Variants in TMEM74 observed in about 807,000 individuals in gnomAD.
TMEM74 encodes transmembrane protein 74.
A neutral mutation model predicts 18.1 loss-of-function variants in TMEM74; 13 were observed. The ratio of observed to expected loss-of-function variants is 0.72; its 90% CI spans 0.47 to 1.14. The LOEUF (loss-of-function observed/expected upper bound fraction) is 1.14, where lower values mean the gene tolerates loss of function less well. Among genes scored for constraint, TMEM74 ranks in the 50% most tolerant of loss-of-function variants. TMEM74 has a pLI of 0.00. For missense variants in TMEM74, 372 were observed against 375.9 expected (o/e 0.99, Z 0.09); for synonymous variants, 159 against 146.6 (o/e 1.08, Z -0.61).
At chr8:108,685,960 A>T (rs954940322) in intron 1 of TMEM74, among the ~76,000 whole-genome samples, 2 of 152,168 alleles carry the variant, frequency 1.3e-5, no homozygotes, top group African/African-American at 4.8e-5. Flanking sequence ...TTATTGATGT[A>T]CATATAATAA....
At chr8:108,722,199 G>A (rs1286771439) in intron 1 of TMEM74, among the ~76,000 whole-genome samples, 1 of 152,150 alleles carries the variant, frequency 6.6e-6, no homozygotes, top group Non-Finnish European at 1.5e-5. Context: ...AGATCCTTAA[G>A]TTAATCACAT....
intron 1 of TMEM74, among the ~76,000 whole-genome samples, chr8:108,661,054 T>C (rs1471333166): frequency 2.0e-5 from 3 of 152,152 alleles, no homozygotes; most frequent in African/African-American, 4.8e-5. Flanking sequence ...TAATCTCATA[T>C]GGTTAAATTT....
chr8:108,787,408 CT>C (rs1469838778), intron 1 of TMEM74, 67 bp downstream of exon 1: 1 of 152,354 alleles, frequency 6.6e-6, no homozygotes, highest in Non-Finnish European at 1.5e-5. Flanking sequence ...CGCTCCAGCT[CT>C]GCTAGGCTCC....
At chr8:108,662,518 A>G (rs569686332) in intron 1 of TMEM74, among the ~76,000 whole-genome samples, 1 of 152,190 alleles carries the variant, frequency 6.6e-6, no homozygotes, top group South Asian at 2.1e-4. Flanking sequence ...TTTTCCACAA[A>G]GAGTTTAGTA....
At chr8:108,621,804 G>A (rs1244274004) in intron 2 of TMEM74, among the ~76,000 whole-genome samples, 2 of 152,104 alleles carry the variant, frequency 1.3e-5, no homozygotes, top group Non-Finnish European at 2.9e-5. Context: ...TGTGTAAAAT[G>A]AGGATGGTAA....
intron 1 of TMEM74, among the ~76,000 whole-genome samples, chr8:108,749,281 T>C (rs1464608848): frequency 6.6e-6 from 1 of 152,224 alleles, no homozygotes; most frequent in African/African-American, 2.4e-5. Flanking sequence ...TTCCTATCCA[T>C]GAGCATGGAA....
At chr8:108,657,841 TCA>T (rs1563742139) in intron 1 of TMEM74, among the ~76,000 whole-genome samples, 1 of 8,506 alleles carries the variant, frequency 1.2e-4, no homozygotes, top group African/African-American at 5.2e-4. Flanking sequence ...AGACACCGTC[TCA>T]AAAAAAAAAA....
chr8:108,698,871 A>C (rs933471647), intron 1 of TMEM74, among the ~76,000 whole-genome samples: 1 of 152,188 alleles, frequency 6.6e-6, no homozygotes, highest in Non-Finnish European at 1.5e-5. Flanking sequence ...CAATGCCTAA[A>C]GTAGCCTCAT....
chr8:108,640,495 A>G (rs1336597239), intron 2 of TMEM74, among the ~76,000 whole-genome samples: 1 of 152,036 alleles, frequency 6.6e-6, no homozygotes, highest in Non-Finnish European at 1.5e-5. Context: ...TTTTGATTAT[A>G]TGTTTAAAAT....
At chr8:108,649,491 ACT>A (rs1371224076) in intron 2 of TMEM74, among the ~76,000 whole-genome samples, 1 of 152,072 alleles carries the variant, frequency 6.6e-6, no homozygotes, top group Non-Finnish European at 1.5e-5. Flanking sequence ...AGTGACAAAA[ACT>A]CTGCAAGGTA....
chr8:108,743,330 C>T (rs1813819902), intron 1 of TMEM74, among the ~76,000 whole-genome samples: 1 of 152,166 alleles, frequency 6.6e-6, no homozygotes. Context: ...GCTCAACTCT[C>T]TCTTTTGTAT....
At chr8:108,734,795 C>G (rs1027682807) in intron 1 of TMEM74, among the ~76,000 whole-genome samples, 1 of 152,174 alleles carries the variant, frequency 6.6e-6, no homozygotes, top group Non-Finnish European at 1.5e-5. Flanking sequence ...GACTCTGCAG[C>G]CTTCTCAAGT....
chr8:108,693,543 A>ATACAAAAGATTGAGATTGT (rs1813250891), intron 1 of TMEM74, among the ~76,000 whole-genome samples: 2 of 152,264 alleles, frequency 1.3e-5, no homozygotes, highest in African/African-American at 4.8e-5. Context: ...AACGTCAGCT[A>ATACAAAAGATTGAGATTGT]ATACATTCCT....
At chr8:108,663,824 T>C (rs1812923473) in intron 1 of TMEM74, among the ~76,000 whole-genome samples, 1 of 152,104 alleles carries the variant, frequency 6.6e-6, no homozygotes, top group African/African-American at 2.4e-5. Flanking sequence ...ATGGATGCAG[T>C]TGGAAGCCAT....
intron 1 of TMEM74, among the ~76,000 whole-genome samples, chr8:108,680,818 C>T (rs1017510939): frequency 3.9e-5 from 6 of 152,064 alleles, no homozygotes; most frequent in South Asian, 2.1e-4. Context: ...TTCAGCAAAG[C>T]CTCAGGATAC....
Position 108,657,248 on chromosome 8 carries a change from T to G in TMEM74, n.120-1811A>C, listed in dbSNP as rs571580361. ...ACCAGCTTAATATAGCAAGATGTTC[T>G]CAATAACTACCATGGTGTTATTCAG... On this transcript the variant is annotated intron_variant and non_coding_transcript_variant, in intron 1 of 3. Transcript: ENST00000518838. 3.9e-5 allele frequency among the ~76,000 whole-genome samples: 6 copies of G among 152,194 alleles called. No individual in the cohort carries two copies. The South Asian group carries it at 1.2e-3, about 32-fold the overall frequency.
Position 108,784,527 on chromosome 8 carries a change from A to G in TMEM74, c.572T>C (p.Leu191Pro), listed in dbSNP as rs766897182. 1 of 1,614,190 alleles carries G rather than the reference A, an allele frequency of 6.2e-7. No individual in the cohort carries two copies. Among genetic ancestry groups the G allele is most frequent in the Non-Finnish European group, 8.5e-7 (1 of 1,180,056 alleles). The change falls in exon 2 of 2, where the codon CTC becomes CCC. Residue 191 changes from leucine to proline, a missense_variant. By Grantham distance (98) the Leu-to-Pro change is moderately conservative. Transcript: ENST00000297459. ...TGGGACGATGTAAGAGATGATCACGAGCAGGATCCCAGTGACCAAGAACAA... is the reference window on the plus strand; with the variant it reads ...TGGGACGATGTAAGAGATGATCACGGGCAGGATCCCAGTGACCAAGAACAA... ...AILFLVTGIL[L>P]VIISYIVPRE... is the part of the protein sequence containing the mutation.
At chr8:108,732,525 C>T (rs1460756356) in intron 1 of TMEM74, among the ~76,000 whole-genome samples, 5 of 151,994 alleles carry the variant, frequency 3.3e-5, no homozygotes, top group Admixed American at 6.5e-5. Context: ...GACAGTGTGG[C>T]ATTGGTAAAA....
intron 1 of TMEM74, among the ~76,000 whole-genome samples, chr8:108,705,735 C>T (rs1464065229): frequency 6.6e-6 from 1 of 152,114 alleles, no homozygotes; most frequent in Non-Finnish European, 1.5e-5. Context: ...AAAGTATATA[C>T]ATAACACACA....
Sources: allele counts gnomAD v4.1 joint callset (sites outside exome capture counted in the v4.1 genomes callset), GRCh38; gene constraint gnomAD v4.1.1; transcripts MANE v1.5; gene names NCBI Gene and HGNC (gene_info 2026-07-23, HGNC 2026-07-21).